MIA2: variants seen among roughly 807,000 people sequenced by gnomAD.
MIA2 encodes the protein melanoma inhibitory activity protein 2.
MIA2 carries 127 observed loss-of-function variants against 167.8 expected under a neutral mutation model. That is an observed-to-expected ratio of 0.76 (90% CI 0.66 to 0.88). MIA2 has a LOEUF of 0.88. MIA2 is among the 40% of genes least tolerant of loss of function. MIA2 has a pLI of 0.00. For missense variants in MIA2, 1,690 were observed against 1,624.7 expected, an observed-to-expected ratio of 1.04 and a Z score of -0.69; for synonymous variants, 552 against 541.9, an observed-to-expected ratio of 1.02 and a Z score of -0.26.
chr14:39,355,166 A>G (rs966137363), downstream of MIA2, among the ~76,000 whole-genome samples: 2 of 150,506 alleles, frequency 1.3e-5, no homozygotes, highest in South Asian at 2.1e-4. Context: ...CATTTTCACG[A>G]TATTGATTCT....
At chr14:39,384,844 T>G (rs1240297120) in intron 23 of MIA2, among the ~76,000 whole-genome samples, 1 of 152,152 alleles carries the variant, frequency 6.6e-6, no homozygotes, top group Non-Finnish European at 1.5e-5. Context: ...GCCCTGAGAA[T>G]CCTTAATTTT....
At chr14:39,289,864 T>G (rs138557963) in intron 9 of MIA2, among the ~76,000 whole-genome samples, 52 of 152,338 alleles carry the variant, frequency 3.4e-4, no homozygotes, top group African/African-American at 1.2e-3. Flanking sequence ...ATCTGTGTCT[T>G]GTGTCTTATA....
rs1181717108 is a variant in MIA2 at position 39,239,498 on chromosome 14, T to C, written c.250-1063T>C. 2.6e-5 allele frequency among the ~76,000 whole-genome samples: 4 copies of C among 152,198 alleles called. No individual in the cohort carries two copies. In the East Asian group the frequency reaches 7.7e-4, roughly 29 times the overall value. On this transcript the variant is annotated intron_variant, in intron 2 of 28. Coordinates refer to ENST00000640607, the MANE Select transcript of MIA2 (RefSeq NM_001329214.4). ...TGAGCCTGGAAGTTAGAGGTTACAG[T>C]GAGCTATGATTGCACTGCTGCACTC... is the stretch of plus-strand genomic sequence containing the variant.
chr14:39,245,475 A>G (rs190748150), intron 3 of MIA2, among the ~76,000 whole-genome samples: 50 of 152,304 alleles, frequency 3.3e-4, no homozygotes, highest in East Asian at 1.7e-3. Flanking sequence ...GGCTGCATGC[A>G]GCCTGTAAGC....
At chr14:39,386,211 T>G in intron 23 of MIA2, 2 of 1,392,190 alleles carry the variant, frequency 1.4e-6, no homozygotes. Context: ...CCAGATTTTA[T>G]ACCCAGTTTG....
At chr14:39,386,855 A>C in intron 23 of MIA2, 2 of 866,698 alleles carry the variant, frequency 2.3e-6, no homozygotes, top group Non-Finnish European at 4.0e-6. Context: ...CTTCTACTTT[A>C]ACTCTGAGGC....
chr14:39,358,910 A>C (rs1226575238), intron 23 of MIA2, among the ~76,000 whole-genome samples: 1 of 152,112 alleles, frequency 6.6e-6, no homozygotes, highest in African/African-American at 2.4e-5. Flanking sequence ...CGTTCCTCTG[A>C]AAGTTTTGTC....
At chr14:39,257,115 C>G (rs377689033) in intron 6 of MIA2, among the ~76,000 whole-genome samples, 4 of 152,246 alleles carry the variant, frequency 2.6e-5, no homozygotes, top group Admixed American at 2.0e-4. Context: ...TGGTCCAGAG[C>G]TGAGTTGAAG....
chr14:39,339,403 G>T (rs2071267186), intron 25 of MIA2, among the ~76,000 whole-genome samples: 2 of 152,076 alleles, frequency 1.3e-5, no homozygotes, highest in Non-Finnish European at 2.9e-5. Flanking sequence ...AAAATTGTTG[G>T]CATATATTTA....
intron 19 of MIA2, among the ~76,000 whole-genome samples, 195 bp downstream of exon 19, chr14:39,313,636 A>C (rs2064767573): frequency 6.6e-6 from 1 of 152,190 alleles, no homozygotes; most frequent in African/African-American, 2.4e-5. Flanking sequence ...TTATACAGAA[A>C]ATATAAAGAG....
chr14:39,234,227 A>C lies in MIA2; in HGVS notation c.113A>C (p.Glu38Ala), dbSNP rs755166620. 1 of 1,598,874 alleles carries C rather than the reference A, an allele frequency of 6.3e-7. No homozygotes were observed. The highest frequency in any genetic ancestry group is 1.7e-5 in the Admixed American group (1 of 58,240). ...AAAAAATGTGGTGACTTGGAATGTG[A>C]AGGTAAGTTTGCTTCCCCCGCTTCT... ...DLKKCGDLEC[E>A]ALINRVSAMR... The change falls in exon 1 of 29, where the codon GAA becomes GCA. Residue 38 changes from glutamate (E) to alanine (A), a missense_variant and splice_region_variant. Glu to Ala is a moderately radical substitution (Grantham distance 107). Coordinates refer to ENST00000640607, the MANE Select transcript of MIA2 (RefSeq NM_001329214.4).
At chr14:39,347,815 C>CTTTTT in intron 27 of MIA2, 44 bp downstream of exon 27, 1 of 1,048,964 alleles carries the variant, frequency 9.5e-7, no homozygotes, top group Admixed American at 3.6e-5. Flanking sequence ...ATTCAGAAGC[C>CTTTTT]TTCTTTTTTT....
chr14:39,235,929 A>C (rs2053721522), intron 1 of MIA2, among the ~76,000 whole-genome samples: 1 of 152,208 alleles, frequency 6.6e-6, no homozygotes, highest in Non-Finnish European at 1.5e-5. Flanking sequence ...ATTGCATGAC[A>C]ATAAAAATAT....
chr14:39,326,773 TTA>T (rs1400367857), intron 24 of MIA2, 89 bp from the exon 25 acceptor site: 1 of 1,178,704 alleles, frequency 8.5e-7, no homozygotes, highest in African/African-American at 1.6e-5. Flanking sequence ...TATTTATAAT[TTA>T]TGATTTAACC....
In MIA2 at chr14:39,237,044, T is replaced by C; in HGVS notation, c.238T>C (p.Trp80Arg). The C allele has an allele frequency of 6.2e-7, 1 of 1,613,820 alleles. No individual in the cohort carries two copies. Among genetic ancestry groups the C allele is most frequent in the Non-Finnish European group, 8.5e-7 (1 of 1,179,948 alleles). The change falls in exon 2 of 29, where the codon TGG becomes CGG. Residue 80 changes from tryptophan (W) to arginine (R), a missense_variant. Trp to Arg is a moderately radical substitution (Grantham distance 101, BLOSUM62 -3). Coordinates refer to ENST00000640607, the MANE Select transcript of MIA2 (RefSeq NM_001329214.4). The part of the protein sequence containing the change: ...VKLAGEREDL[W>R]AGSKGKEFGY... ...ACTTGCAGGAGAAAGGGAAGATTTGTGGGCAGGAAGTGTAAGTAACTACTT... is the reference window on the plus strand; with the variant it reads ...ACTTGCAGGAGAAAGGGAAGATTTGCGGGCAGGAAGTGTAAGTAACTACTT...
chr14:39,334,580 T>G (rs995697641), intron 25 of MIA2, among the ~76,000 whole-genome samples: 1 of 151,974 alleles, frequency 6.6e-6, no homozygotes, highest in Non-Finnish European at 1.5e-5. Flanking sequence ...GGCTTTTTTT[T>G]TTTGAAGTGG....
intron 21 of MIA2, among the ~76,000 whole-genome samples, chr14:39,316,246 G>A (rs530265701): frequency 4.5e-4 from 68 of 152,330 alleles, no homozygotes; most frequent in Middle Eastern, 3.4e-3. Context: ...GAAGTGATGA[G>A]GATGCAGATT....
chr14:39,250,257 CA>C (rs527348386), intron 4 of MIA2, among the ~76,000 whole-genome samples: 2 of 152,016 alleles, frequency 1.3e-5, no homozygotes, highest in African/African-American at 4.8e-5. Context: ...AAGGATTTCA[CA>C]AAAAAATCAC....
At chr14:39,254,822 C>A (rs541851935) in intron 6 of MIA2, among the ~76,000 whole-genome samples, 1 of 152,300 alleles carries the variant, frequency 6.6e-6, no homozygotes, top group South Asian at 2.1e-4. Flanking sequence ...ATTTTTTAGC[C>A]TCTGGTCTAA....
Sources: gnomAD v4.1 joint callset for allele counts (sites outside exome capture counted in the v4.1 genomes callset) on GRCh38, gnomAD v4.1.1 for gene constraint, MANE v1.5 for transcripts, NCBI Gene and HGNC (gene_info 2026-07-23, HGNC 2026-07-21) for gene names.